The following ZBTB17 variants were observed in gnomAD, a reference collection of about 807,000 sequenced individuals.
ZBTB17 encodes zinc finger and BTB domain-containing protein 17.
Under a neutral mutation model 85.1 loss-of-function variants are expected in ZBTB17, and 24 were observed. The ratio of observed to expected loss-of-function variants is 0.28; its 90% CI spans 0.20 to 0.40. The LOEUF (loss-of-function observed/expected upper bound fraction) is 0.40, where lower values mean the gene tolerates loss of function less well. Ranked by LOEUF, ZBTB17 falls within the 10% of genes least tolerant of loss-of-function variation. The pLI is 1.00. For synonymous variants in ZBTB17, 464 were observed against 460.2 expected, an observed-to-expected ratio of 1.01 and a Z score of -0.11; for missense variants, 743 against 1,105.1, an observed-to-expected ratio of 0.67 and a Z score of 4.65.
chr1:15,957,297 CA>C (rs890248816), intron 2 of ZBTB17, among the ~76,000 whole-genome samples: 2 of 151,904 alleles, frequency 1.3e-5, no homozygotes, highest in Non-Finnish European at 2.9e-5. Context: ...GCCCAGGGAC[CA>C]TCACAGACAT....
intron 1 of ZBTB17, among the ~76,000 whole-genome samples, chr1:15,975,071 C>T (rs187399674): frequency 2.7e-3 from 408 of 152,348 alleles, no homozygotes; most frequent in Non-Finnish European, 4.4e-3. Flanking sequence ...CTACTCCGTG[C>T]TTCAGAGGAA....
chr1:15,947,189 A>C, intron 3 of ZBTB17, 66 bp from the exon 4 acceptor site: 1 of 1,491,192 alleles, frequency 6.7e-7, no homozygotes, highest in Non-Finnish European at 9.1e-7. Context: ...CTGCCCCACC[A>C]CTCCACTCAG....
rs2071850947 is a variant in ZBTB17, at chr1:15,951,750, ACCCAGCAGGACGG to A, written c.-2-3266_-2-3254del. Among the ~76,000 whole-genome samples the A allele has an allele frequency of 1.3e-5, 2 of 152,196 alleles. No homozygotes were observed. The highest frequency in any genetic ancestry group is 2.9e-5 in the Non-Finnish European group (2 of 68,002). ...TCTTATCTATTCCTCAGCGACAGGA[ACCCAGCAGGACGG>A]CCAGGCTTGGAGGGACATAGGAAAA... On this transcript the variant is annotated intron_variant, in intron 2 of 15. Coordinates refer to ENST00000375743, the MANE Select transcript of ZBTB17 (RefSeq NM_003443.3). The surrounding 1 kb of genome is among the most constrained non-coding windows in gnomAD (Gnocchi z 4.1).
chr1:15,972,486 CT>C (rs2072723282), intron 2 of ZBTB17, among the ~76,000 whole-genome samples: 1 of 152,218 alleles, frequency 6.6e-6, no homozygotes, highest in South Asian at 2.1e-4. Flanking sequence ...GATGCAGGAA[CT>C]GGCTTATGTT....
At position 15,945,110 on chromosome 1, in the gene ZBTB17, C is replaced by G; in HGVS notation, c.754G>C (p.Glu252Gln). Reference sequence around the variant, plus strand: ...CCGTTCTCCAGCTGGGAACCCTCCTCCTTGACCTCAGCTGGCCCTGCGCCC... The same window carrying G: ...CCGTTCTCCAGCTGGGAACCCTCCTGCTTGACCTCAGCTGGCCCTGCGCCC... ...EEGAGPAEVKEEGSQLENGEA... is the reference protein window; with the variant it reads ...EEGAGPAEVKQEGSQLENGEA... Residue 252 changes from glutamate to glutamine, a missense_variant, in exon 7 of 16, where the codon GAG becomes CAG. Around this residue, in one of 4 missense-constraint regions of ZBTB17, gnomAD observed 279 missense variants for 269.9 expected, o/e 1.03. Transcript: ENST00000375743. 6.2e-7 allele frequency: 1 copy of G among 1,609,578 alleles called. No homozygotes were observed. The highest frequency in any genetic ancestry group is 8.5e-7 in the Non-Finnish European group (1 of 1,178,260).
chr1:15,965,598 C>A (rs988923046), intron 2 of ZBTB17, among the ~76,000 whole-genome samples: 1 of 152,218 alleles, frequency 6.6e-6, no homozygotes, highest in African/African-American at 2.4e-5. Context: ...CCTGGAGAGG[C>A]TGTGCATACA....
At chr1:15,962,183 G>A (rs944025261) in intron 2 of ZBTB17, among the ~76,000 whole-genome samples, 12 of 152,206 alleles carry the variant, frequency 7.9e-5, no homozygotes, top group African/African-American at 2.2e-4. Flanking sequence ...GCTCCAGCTC[G>A]GGTGACAGTG....
chr1:15,971,407 TAC>T (rs1298806647), intron 2 of ZBTB17, among the ~76,000 whole-genome samples: 20 of 143,504 alleles, frequency 1.4e-4, no homozygotes, highest in African/African-American at 2.4e-4. Flanking sequence ...ACTATATATA[TAC>T]ACACACACTA....
intron 2 of ZBTB17, among the ~76,000 whole-genome samples, chr1:15,956,089 T>G (rs759502906): frequency 9.9e-5 from 15 of 152,154 alleles, no homozygotes; most frequent in Non-Finnish European, 1.6e-4. Flanking sequence ...ACAGGGTAAA[T>G]TAAGGGGCCT....
rs1355503423 is a variant in ZBTB17 at position 15,966,556 on chromosome 1, C to T, written c.-3+6483G>A. 1.1e-4 allele frequency among the ~76,000 whole-genome samples: 16 copies of T among 152,162 alleles called. No homozygotes were observed. Among genetic ancestry groups the T allele is most frequent in the Non-Finnish European group, 1.6e-4 (11 of 68,032 alleles). ...TTCCTTCCTTTGAAGCCCAGCCCTA[C>T]GAACCATCTCTCTTCAATTCATAAC... On this transcript the variant is annotated intron_variant, in intron 2 of 15. Coordinates refer to ENST00000375743, the MANE Select transcript of ZBTB17 (RefSeq NM_003443.3). This position sits in a 1 kb window ranked among gnomAD's most constrained non-coding sequence, Gnocchi z 4.1.
chr1:15,944,402 G>A lies in ZBTB17; in HGVS notation c.1269C>T (p.Cys423=), dbSNP rs775352303. ...AAGTGGGGTCGGAGAAGGAGCGGCC[G>A]CAGTAGTCGCACTGGTAGGGCTTCT... The part of the protein sequence containing the change: ...SGEKPYQCDY[C]GRSFSDPTSK... The change falls in exon 9 of 16, where the codon TGC becomes TGT. Residue 423 remains cysteine (C), a synonymous_variant. Transcript: ENST00000375743. 14 of 1,563,160 alleles carry A rather than the reference G, an allele frequency of 9.0e-6. No individual in the cohort carries two copies. The East Asian group carries it at 2.2e-4, about 24-fold the overall frequency.
In ZBTB17 at chr1:15,943,408, C is replaced by A; in HGVS notation, c.1688G>T (p.Cys563Phe). 1 of 1,598,652 alleles carries A rather than the reference C, an allele frequency of 6.3e-7. No homozygotes were observed. The highest frequency in any genetic ancestry group is 1.1e-5 in the South Asian group (1 of 88,310). Residue 563 changes from cysteine to phenylalanine, a missense_variant, in exon 12 of 16, where the codon TGC becomes TTC. By Grantham distance (205) the Cys-to-Phe change is radical (BLOSUM62 -2). Around this residue, in one of 4 missense-constraint regions of ZBTB17, gnomAD observed 321 missense variants for 615.7 expected, o/e 0.52. Coordinates refer to ENST00000375743, the MANE Select transcript of ZBTB17 (RefSeq NM_003443.3). ...GGGGAGGGGGCAGGACCTCTTGCCG[C>A]AGCGCTCGCAGACGTAGGGCTTCTC... ...TGEKPYVCER[C>F]GKRFVQSSQL... is the part of the protein sequence containing the mutation.
rs1022977733 is a variant in ZBTB17, at chr1:15,976,046, G to A, written c.-153C>T. Reference sequence around the variant, plus strand: ...CACGGCCGCGAGAAGGCCGGGGACGGCACTCCAGAGCAGACAAAGGGCGCC... The same window carrying A: ...CACGGCCGCGAGAAGGCCGGGGACGACACTCCAGAGCAGACAAAGGGCGCC... On this transcript the variant is annotated 5_prime_UTR_variant, in exon 1 of 16. Transcript: ENST00000375743. The A allele has an allele frequency of 4.3e-6, 3 of 693,652 alleles. No individual in the cohort carries two copies. The highest frequency in any genetic ancestry group is 7.9e-6 in the Non-Finnish European group (3 of 380,588). The allele number at this position is 693,652 out of a possible 1,614,324, so 43.0% of individuals were successfully genotyped here. A position where few individuals can be genotyped will look rare whatever the true frequency, so the allele number is the denominator to read the frequency against.
rs1273038223 is a variant in ZBTB17 at position 15,944,768 on chromosome 1, G to C, written c.999C>G (p.Pro333=). 2 of 1,612,970 alleles carry C rather than the reference G, an allele frequency of 1.2e-6. No individual in the cohort carries two copies. The highest frequency in any genetic ancestry group is 2.2e-5 in the South Asian group (2 of 91,024). Residue 333 remains proline, a synonymous_variant, in exon 8 of 16, where the codon CCC becomes CCG. Coordinates refer to ENST00000375743, the MANE Select transcript of ZBTB17 (RefSeq NM_003443.3). ...RHIRIHTGEK[P]FSCRECSKAF... Reference sequence around the variant, plus strand: ...CCTTGCTGCACTCCCGGCACGAGAAGGGCTTCTCCCCCGTGTGGATGCGGA... The same window carrying C: ...CCTTGCTGCACTCCCGGCACGAGAACGGCTTCTCCCCCGTGTGGATGCGGA...
intron 1 of ZBTB17, among the ~76,000 whole-genome samples, chr1:15,975,416 C>G (rs1011362889): frequency 2.3e-4 from 35 of 152,344 alleles, no homozygotes; most frequent in Admixed American, 4.6e-4. Flanking sequence ...ATCGAGGATC[C>G]TGGAGGATCG....
rs1351144962 is a variant in ZBTB17 at position 15,966,146 on chromosome 1, A to G, written c.-3+6893T>C. On this transcript the variant is annotated intron_variant, in intron 2 of 15. Transcript: ENST00000375743. This position sits in a 1 kb window ranked among gnomAD's most constrained non-coding sequence, Gnocchi z 4.1. Reference sequence around the variant, plus strand: ...TTGGGCTGCTGACTGAGTCACAGTAACGGGGGAAAATCCCTGAGGGGCCCA... The same window carrying G: ...TTGGGCTGCTGACTGAGTCACAGTAGCGGGGGAAAATCCCTGAGGGGCCCA... Among the ~76,000 whole-genome samples the G allele has an allele frequency of 6.6e-6, 1 of 152,236 alleles. No individual in the cohort carries two copies. Among genetic ancestry groups the G allele is most frequent in the East Asian group, 1.9e-4 (1 of 5,204 alleles).
At chr1:15,975,894 G>A in intron 1 of ZBTB17, 89 bp downstream of exon 1, 2 of 425,552 alleles carry the variant, frequency 4.7e-6, no homozygotes, top group Non-Finnish European at 9.3e-6. Flanking sequence ...CCACACAACC[G>A]TCACCGGCGT....
chr1:15,961,928 G>A (rs545878275), intron 2 of ZBTB17, among the ~76,000 whole-genome samples: 19 of 152,298 alleles, frequency 1.2e-4, no homozygotes, highest in Non-Finnish European at 2.2e-4. Context: ...AGTAAACCGG[G>A]AGAGGTGGCG....
intron 2 of ZBTB17, among the ~76,000 whole-genome samples, chr1:15,971,394 C>T (rs200356096): frequency 7.8e-5 from 10 of 127,946 alleles, no homozygotes; most frequent in South Asian, 2.5e-4. Context: ...TATATATATA[C>T]ACACTATATA....
Sources: gnomAD v4.1 joint callset for allele counts (sites outside exome capture counted in the v4.1 genomes callset) on GRCh38, gnomAD v4.1.1 for gene constraint, gnomAD v4.1.1 regional missense constraint, Gnocchi (gnomAD v3.1) non-coding constraint, MANE v1.5 for transcripts, NCBI Gene and HGNC (gene_info 2026-07-23, HGNC 2026-07-21) for gene names.